HPD: variants seen among roughly 807,000 people sequenced by gnomAD.
The protein encoded by HPD is 4-hydroxyphenylpyruvate dioxygenase, also known as 4-hydroxyphenylpyruvic acid oxidase.
In HPD, 35 loss-of-function variants were observed where a neutral mutation model predicts 56.9. The observed-to-expected ratio is 0.62, with a 90% CI of 0.47 to 0.82. HPD has a LOEUF of 0.82. Among genes scored for constraint, HPD ranks in the 40% least tolerant of loss-of-function variants. The probability of loss-of-function intolerance (pLI) is 0.00; values close to 1 mark genes in which losing one functional copy is unlikely to be tolerated. For synonymous variants in HPD, 186 were observed against 200.2 expected (o/e 0.93, Z 0.60); for missense variants, 442 against 506.8 (o/e 0.87, Z 1.23).
Position 121,857,415 on chromosome 12 carries a change from G to A in HPD, c.111C>T (p.Cys37=). 1.2e-6 allele frequency: 2 copies of A among 1,613,246 alleles called. No individual in the cohort carries two copies. The highest frequency in any genetic ancestry group is 1.7e-6 in the Non-Finnish European group (2 of 1,179,154). Residue 37 remains cysteine (C), a synonymous_variant, in exon 4 of 14, where the codon TGC becomes TGT. Coordinates refer to ENST00000289004, the MANE Select transcript of HPD (RefSeq NM_002150.3). The part of the protein sequence containing the change: ...GNAKQATSFY[C]SKMGFEPLAY... Reference sequence around the variant, plus strand: ...CTAGAGGTTCAAAGCCCATCTTGCTGCAGTAGAATGACGTGGCCTGAATCA... The same window carrying A: ...CTAGAGGTTCAAAGCCCATCTTGCTACAGTAGAATGACGTGGCCTGAATCA...
chr12:121,840,035 A>G lies in HPD; in HGVS notation c.968T>C (p.Leu323Pro). 6.2e-7 allele frequency: 1 copy of G among 1,612,948 alleles called. No homozygotes were observed. The highest frequency in any genetic ancestry group is 8.5e-7 in the Non-Finnish European group (1 of 1,178,964). The change falls in exon 13 of 14, where the codon CTG (leucine) becomes CCG (proline). Residue 323 changes from leucine (L) to proline (P), a missense_variant. Physicochemically the swap from Leu to Pro is moderately conservative, Grantham distance 98. Coordinates refer to ENST00000289004, the MANE Select transcript of HPD (RefSeq NM_002150.3). ...GTAGCCTTTCTCGTCGTAGTCCACC[A>G]GGATTTTCAGCTCCTAGGCGGGAGA... ...NIDALEELKI[L>P]VDYDEKGYLL...
At chr12:121,872,270 C>T in the HPD span, among the ~76,000 whole-genome samples, 6 of 147,568 alleles carry the variant, frequency 4.1e-5, no homozygotes, top group Non-Finnish European at 7.5e-5. Context: ...CTTGCTCTGT[C>T]GCCCAGGCTG....
chr12:121,882,435 G>A, the HPD span, among the ~76,000 whole-genome samples: 3 of 152,144 alleles, frequency 2.0e-5, no homozygotes, highest in African/African-American at 7.2e-5. Flanking sequence ...GATCTTGGCA[G>A]CTTTCTAAAA....
intron 4 of HPD, 159 bp from the exon 5 acceptor site, chr12:121,856,784 G>C: frequency 1.4e-6 from 1 of 709,914 alleles, no homozygotes; most frequent in Non-Finnish European, 2.5e-6. Context: ...TCCCACACTG[G>C]TCCTGAGGGA....
the HPD span, among the ~76,000 whole-genome samples, chr12:121,880,256 A>G: frequency 6.6e-6 from 1 of 150,884 alleles, no homozygotes; most frequent in Non-Finnish European, 1.5e-5. Context: ...AGACTCGGGT[A>G]CAGTGGCATG....
chr12:121,856,684 C>T (rs896385013), intron 4 of HPD, 59 bp from the exon 5 acceptor site: 1 of 1,529,234 alleles, frequency 6.5e-7, no homozygotes, highest in Non-Finnish European at 9.1e-7. Flanking sequence ...GGGAGGTGCA[C>T]CCATCGGCCC....
chr12:121,886,409 A>AGTTTT, the HPD span, among the ~76,000 whole-genome samples: 2 of 110,414 alleles, frequency 1.8e-5, no homozygotes, highest in Non-Finnish European at 3.4e-5. Context: ...CGCCTGGCCT[A>AGTTTT]GTTTTTTTTT....
chr12:121,844,477 G>A (rs1877509705), intron 11 of HPD, among the ~76,000 whole-genome samples: 1 of 152,096 alleles, frequency 6.6e-6, no homozygotes, highest in Non-Finnish European at 1.5e-5. Context: ...GCCGAGTGTG[G>A]TGGCTCACGC....
At chr12:121,879,472 T>TTTCTC in the HPD span, among the ~76,000 whole-genome samples, 115 of 32,620 alleles carry the variant, frequency 3.5e-3, no homozygotes, top group African/African-American at 0.015. Context: ...TTTCTTTCCT[T>TTTCTC]TTCTCTTCTG....
chr12:121,868,335 T>C (rs1878377531), upstream of HPD, among the ~76,000 whole-genome samples: 1 of 152,028 alleles, frequency 6.6e-6, no homozygotes, highest in Non-Finnish European at 1.5e-5. Flanking sequence ...TCCTCATCTT[T>C]TTTTGTTTTG....
the HPD span, among the ~76,000 whole-genome samples, chr12:121,872,814 C>T: frequency 1.8e-4 from 27 of 152,114 alleles, no homozygotes; most frequent in Non-Finnish European, 3.1e-4. Context: ...TGAAGGAAAA[C>T]ATGCTTGTAT....
At chr12:121,860,633 T>A (rs1231609229), upstream of HPD, among the ~76,000 whole-genome samples, 2 of 152,190 alleles carry the variant, frequency 1.3e-5, no homozygotes, top group Non-Finnish European at 2.9e-5. Context: ...TGTGACTGTC[T>A]CTGTTCTTCA....
chr12:121,843,305 T>G (rs973294738), intron 12 of HPD, among the ~76,000 whole-genome samples: 1 of 152,344 alleles, frequency 6.6e-6, no homozygotes, highest in South Asian at 2.1e-4. Flanking sequence ...CACTCTAGCC[T>G]ATTCTTTCTG....
chr12:121,850,218 G>A (rs1190098640), intron 7 of HPD, among the ~76,000 whole-genome samples: 4 of 151,948 alleles, frequency 2.6e-5, no homozygotes, highest in Non-Finnish European at 2.9e-5. Flanking sequence ...TCAGGAGATC[G>A]AGACCATCCT....
the HPD span, among the ~76,000 whole-genome samples, chr12:121,884,932 A>C: frequency 1.6e-4 from 24 of 152,166 alleles, no homozygotes; most frequent in African/African-American, 5.8e-4. Flanking sequence ...TATATGGTCC[A>C]GGCTGGAGTG....
chr12:121,858,635 C>G, intron 2 of HPD, 52 bp downstream of exon 2: 1 of 1,575,914 alleles, frequency 6.3e-7, no homozygotes, highest in Non-Finnish European at 8.7e-7. Context: ...CCCTGCACTC[C>G]GACCCCCTTC....
rs1328449922 is a variant in HPD, at chr12:121,847,187, G to A, written c.624C>T (p.Arg208=). 6.2e-7 allele frequency: 1 copy of A among 1,614,052 alleles called. No homozygotes were observed. Among genetic ancestry groups the A allele is most frequent in the East Asian group, 2.2e-5 (1 of 44,894 alleles). The change falls in exon 10 of 14, where the codon CGC becomes CGT. Residue 208 remains arginine, a synonymous_variant. Coordinates refer to ENST00000289004, the MANE Select transcript of HPD (RefSeq NM_002150.3). The part of the protein sequence containing the change: ...EWYLKNLQFH[R]FWSVDDTQVH... ...CCTGCGTGTCATCCACGGACCAGAA[G>A]CGGTGGAACTGCAGGTTTTTCAGGT... is the stretch of plus-strand genomic sequence containing the variant.
At chr12:121,843,113 T>G (rs760904263) in intron 12 of HPD, among the ~76,000 whole-genome samples, 75 of 152,104 alleles carry the variant, frequency 4.9e-4, no homozygotes, top group Non-Finnish European at 8.5e-4. Context: ...TTGTACACCT[T>G]AAAAAAATGA....
chr12:121,872,786 G>T, the HPD span, among the ~76,000 whole-genome samples: 5 of 151,854 alleles, frequency 3.3e-5, no homozygotes, highest in Non-Finnish European at 5.9e-5. Context: ...GTGCTGCGGG[G>T]GCCAACCCTG....
Sources: gnomAD v4.1 joint callset for allele counts (sites outside exome capture counted in the v4.1 genomes callset) on GRCh38, gnomAD v4.1.1 for gene constraint, MANE v1.5 for transcripts, NCBI Gene and HGNC (gene_info 2026-07-23, HGNC 2026-07-21) for gene names.